Variants in CDH12 observed in about 807,000 individuals in gnomAD.
CDH12 encodes cadherin 12.
CDH12 carries 41 observed loss-of-function variants against 74.1 expected under a neutral mutation model. The observed-to-expected ratio is 0.55, with a 90% CI of 0.43 to 0.72. The LOEUF (loss-of-function observed/expected upper bound fraction) is 0.72, where lower values mean the gene tolerates loss of function less well. Ranked by LOEUF, CDH12 falls within the 30% of genes least tolerant of loss-of-function variation. CDH12 has a pLI of 0.00. For synonymous variants in CDH12, 399 were observed against 355.0 expected, an observed-to-expected ratio of 1.12 and a Z score of -1.39; for missense variants, 945 against 977.2, an observed-to-expected ratio of 0.97 and a Z score of 0.44.
At chr5:22,290,328 A>G (rs1341149547) in intron 3 of CDH12, among the ~76,000 whole-genome samples, 1 of 152,150 alleles carries the variant, frequency 6.6e-6, no homozygotes, top group Non-Finnish European at 1.5e-5. Context: ...TTCTCACAAA[A>G]AAAATTGAAA....
chr5:21,792,405 A>G (rs1746548369), intron 10 of CDH12, among the ~76,000 whole-genome samples: 1 of 151,744 alleles, frequency 6.6e-6, no homozygotes, highest in Non-Finnish European at 1.5e-5. Context: ...TAAATGTTTG[A>G]TGAGAAACTA....
chr5:22,513,227 C>T (rs1736682172), intron 1 of CDH12, among the ~76,000 whole-genome samples: 1 of 152,152 alleles, frequency 6.6e-6, no homozygotes, highest in Non-Finnish European at 1.5e-5. Context: ...AGCAACCACA[C>T]TGTGAGGTCC....
rs542439930 is a variant in CDH12 at position 22,493,758 on chromosome 5, T to G, written c.-428+11512A>C. On this transcript the variant is annotated intron_variant, in intron 2 of 14. Transcript: ENST00000382254. ...CTGGGTACTTGAAAGAAGGACAGAA[T>G]ACACTGAACTGAGAATGGGCCATTG... is the stretch of plus-strand genomic sequence containing the variant. 9.2e-5 allele frequency among the ~76,000 whole-genome samples: 14 copies of G among 152,270 alleles called. No individual in the cohort carries two copies. The South Asian group carries it at 2.9e-3, about 32-fold the overall frequency.
chr5:21,782,787 C>G (rs1241356835), intron 11 of CDH12, among the ~76,000 whole-genome samples: 1 of 152,102 alleles, frequency 6.6e-6, no homozygotes, highest in Non-Finnish European at 1.5e-5. Context: ...GGATTCTTTT[C>G]TGAACCAAGC....
intron 1 of CDH12, among the ~76,000 whole-genome samples, chr5:22,627,721 A>C (rs1458571690): frequency 6.6e-6 from 1 of 152,162 alleles, no homozygotes; most frequent in Admixed American, 6.5e-5. Flanking sequence ...GACAGGTCCA[A>C]TTCTGCACAT....
intron 5 of CDH12, among the ~76,000 whole-genome samples, chr5:21,978,521 G>T (rs185359981): frequency 6.6e-6 from 1 of 151,882 alleles, no homozygotes; most frequent in Admixed American, 6.6e-5. Context: ...CATATTTACT[G>T]CACATTTATA....
At chr5:22,201,128 G>A (rs1464620720) in intron 4 of CDH12, among the ~76,000 whole-genome samples, 3 of 152,146 alleles carry the variant, frequency 2.0e-5, no homozygotes, top group Non-Finnish European at 4.4e-5. Flanking sequence ...TAGCAACCAT[G>A]GCTGGGTCAT....
rs150195034 is a variant in CDH12, at chr5:21,901,311, A to G, written c.527-46521T>C. ...ATCCTGAGAGTGAACAAAAAAAGTTAAGTGCACCTCTGATAATTATGTTCA... is the reference window on the plus strand; with the variant it reads ...ATCCTGAGAGTGAACAAAAAAAGTTGAGTGCACCTCTGATAATTATGTTCA... On this transcript the variant is annotated intron_variant, in intron 6 of 14. Transcript: ENST00000382254. Among the ~76,000 whole-genome samples, 1,073 of 152,294 alleles carry G rather than the reference A, an allele frequency of 7.0e-3. 8 individuals are homozygous for G. The highest frequency in any genetic ancestry group is 0.024 in the African/African-American group (1,009 of 41,552).
intron 6 of CDH12, among the ~76,000 whole-genome samples, chr5:21,858,452 C>A (rs1750866212): frequency 6.6e-6 from 1 of 151,828 alleles, no homozygotes; most frequent in Admixed American, 6.6e-5. Flanking sequence ...TATAATGTTT[C>A]ACTTTTTAGA....
chr5:22,382,372 A>G (rs1741804171), intron 3 of CDH12, among the ~76,000 whole-genome samples: 1 of 151,404 alleles, frequency 6.6e-6, no homozygotes, highest in African/African-American at 2.4e-5. Context: ...GACTTTCCTT[A>G]TAAGCCCACT....
intron 3 of CDH12, among the ~76,000 whole-genome samples, chr5:22,340,296 G>A (rs1371857603): frequency 1.3e-5 from 2 of 152,192 alleles, no homozygotes; most frequent in African/African-American, 2.4e-5. Context: ...GGAGGCTGAG[G>A]TGGGCGGATC....
intron 7 of CDH12, among the ~76,000 whole-genome samples, chr5:21,845,454 G>A (rs1406641776): frequency 3.3e-5 from 5 of 151,860 alleles, no homozygotes; most frequent in Non-Finnish European, 7.4e-5. Context: ...CATGTCCACT[G>A]AGTCCCTAAC....
intron 8 of CDH12, among the ~76,000 whole-genome samples, chr5:21,823,346 C>T (rs1320061584): frequency 6.6e-6 from 1 of 152,052 alleles, no homozygotes; most frequent in East Asian, 1.9e-4. Flanking sequence ...TCATAGTTTC[C>T]TGTCTTACCA....
intron 4 of CDH12, among the ~76,000 whole-genome samples, chr5:22,190,020 C>T (rs1750181069): frequency 6.6e-6 from 1 of 151,896 alleles, no homozygotes; most frequent in African/African-American, 2.4e-5. Context: ...CCATCCCTAA[C>T]ATTAGCCTTG....
At chr5:22,775,572 G>A (rs1306369040) in intron 1 of CDH12, among the ~76,000 whole-genome samples, 1 of 151,790 alleles carries the variant, frequency 6.6e-6, no homozygotes, top group Non-Finnish European at 1.5e-5. Flanking sequence ...AAAAAAAACT[G>A]GATAATATTA....
intron 2 of CDH12, among the ~76,000 whole-genome samples, chr5:22,429,611 CAT>C (rs1028373893): frequency 3.9e-5 from 6 of 152,130 alleles, no homozygotes; most frequent in Admixed American, 3.3e-4. Flanking sequence ...TGTATATATG[CAT>C]AGTGTTGTAT....
At chr5:22,182,627 T>C (rs551030868) in intron 4 of CDH12, among the ~76,000 whole-genome samples, 78 of 152,230 alleles carry the variant, frequency 5.1e-4, no homozygotes, top group African/African-American at 1.9e-3. Context: ...GTTCTAAAAA[T>C]AGGGAAATAT....
intron 1 of CDH12, among the ~76,000 whole-genome samples, chr5:22,640,540 C>A (rs1726817631): frequency 6.6e-6 from 1 of 152,126 alleles, no homozygotes; most frequent in East Asian, 1.9e-4. Context: ...GGCTCATTCC[C>A]ATTCATATAA....
chr5:22,244,819 T>TG (rs1752890731), intron 3 of CDH12, among the ~76,000 whole-genome samples: 1 of 135,426 alleles, frequency 7.4e-6, no homozygotes, highest in African/African-American at 2.8e-5. Context: ...AAAGTAGGAG[T>TG]GGGGAGCTAG....
Sources: gnomAD v4.1 joint callset for allele counts (sites outside exome capture counted in the v4.1 genomes callset) on GRCh38, gnomAD v4.1.1 for gene constraint, MANE v1.5 for transcripts, NCBI Gene and HGNC (gene_info 2026-07-23, HGNC 2026-07-21) for gene names.